Variants in KIAA1217 observed in about 807,000 individuals in gnomAD.
KIAA1217 encodes sickle tail protein homolog.
In KIAA1217, 88 loss-of-function variants were observed where a neutral mutation model predicts 163.9. That is an observed-to-expected ratio of 0.54 (90% CI 0.45 to 0.64). The LOEUF is 0.64. Among genes scored for constraint, KIAA1217 ranks in the 30% least tolerant of loss-of-function variants. The probability of loss-of-function intolerance (pLI) is 0.00; values close to 1 mark genes in which losing one functional copy is unlikely to be tolerated. For missense variants in KIAA1217, 2,372 were observed against 2,475.0 expected, an observed-to-expected ratio of 0.96 and a Z score of 0.88; for synonymous variants, 903 against 923.1, an observed-to-expected ratio of 0.98 and a Z score of 0.39.
chr10:24,022,973 G>T (rs557292385), intron 2 of KIAA1217, among the ~76,000 whole-genome samples: 1 of 150,114 alleles, frequency 6.7e-6, no homozygotes, highest in Non-Finnish European at 1.5e-5. Context: ...AAATACTATA[G>T]CCAATGGTGA....
At chr10:24,141,626 G>A (rs2064086529) in intron 2 of KIAA1217, among the ~76,000 whole-genome samples, 1 of 152,194 alleles carries the variant, frequency 6.6e-6, no homozygotes. Context: ...ACTGAACTAT[G>A]AGAATGGCCA....
intron 1 of KIAA1217, among the ~76,000 whole-genome samples, chr10:23,718,849 G>GGGGAGAGAGAGA (rs1837710767): frequency 1.4e-5 from 2 of 144,434 alleles, no homozygotes; most frequent in Admixed American, 1.3e-4. Context: ...AGGGAGGGAG[G>GGGGAGAGAGAGA]GGGAGAGAGA....
chr10:23,908,627 A>T (rs762304164), intron 1 of KIAA1217, among the ~76,000 whole-genome samples: 1 of 152,162 alleles, frequency 6.6e-6, no homozygotes, highest in Non-Finnish European at 1.5e-5. Flanking sequence ...ACAGTCCAGC[A>T]GGACATCTCC....
At chr10:24,440,831 G>A (rs115313456) in intron 5 of KIAA1217, among the ~76,000 whole-genome samples, 225 of 152,302 alleles carry the variant, frequency 1.5e-3, no homozygotes, top group African/African-American at 5.2e-3. Flanking sequence ...AATAGAAAGC[G>A]GTTTCAAAGC....
chr10:24,408,515 C>T (rs542550792), intron 3 of KIAA1217, among the ~76,000 whole-genome samples: 2 of 152,158 alleles, frequency 1.3e-5, no homozygotes, highest in East Asian at 1.9e-4. Context: ...CAATATACTG[C>T]GTGGCCCATC....
chr10:23,984,054 G>A (rs1248109897), intron 1 of KIAA1217, among the ~76,000 whole-genome samples: 3 of 152,202 alleles, frequency 2.0e-5, no homozygotes, highest in African/African-American at 7.2e-5. Flanking sequence ...GTCCACTGCA[G>A]TTCCAAAATC....
chr10:23,816,274 CTTTTTG>C (rs934681391), intron 1 of KIAA1217, among the ~76,000 whole-genome samples: 3 of 151,992 alleles, frequency 2.0e-5, no homozygotes, highest in African/African-American at 7.2e-5. Context: ...GCTCACATTT[CTTTTTG>C]TTGTTGTTGT....
At chr10:24,523,135 G>C (rs903499017) in intron 12 of KIAA1217, among the ~76,000 whole-genome samples, 7 of 152,156 alleles carry the variant, frequency 4.6e-5, no homozygotes, top group Non-Finnish European at 1.0e-4. Context: ...CTGGGTGACA[G>C]AGCAAGACCC....
chr10:24,119,909 C>A (rs1457194703), intron 2 of KIAA1217, among the ~76,000 whole-genome samples: 1 of 152,200 alleles, frequency 6.6e-6, no homozygotes, highest in Non-Finnish European at 1.5e-5. Context: ...AAAGCCATCA[C>A]CTGTACCAAG....
chr10:23,950,701 A>G (rs1844298786), intron 1 of KIAA1217, among the ~76,000 whole-genome samples: 1 of 152,178 alleles, frequency 6.6e-6, no homozygotes, highest in Admixed American at 6.5e-5. Flanking sequence ...CAAAACTATG[A>G]AAAGGGATGG....
At chr10:24,309,378 A>G (rs1242274640) in intron 2 of KIAA1217, among the ~76,000 whole-genome samples, 1 of 150,200 alleles carries the variant, frequency 6.7e-6, no homozygotes, top group Non-Finnish European at 1.5e-5. Flanking sequence ...ACACACACAC[A>G]CGGGCTTCCA....
intron 1 of KIAA1217, among the ~76,000 whole-genome samples, chr10:23,731,647 G>C (rs1838485415): frequency 6.6e-6 from 1 of 152,128 alleles, no homozygotes; most frequent in South Asian, 2.1e-4. Flanking sequence ...CATCATTTTT[G>C]AGAACTCAGT....
chr10:24,294,588 T>A (rs2132540831), intron 2 of KIAA1217, among the ~76,000 whole-genome samples: 1 of 152,340 alleles, frequency 6.6e-6, no homozygotes, highest in East Asian at 1.9e-4. Flanking sequence ...AACACCAGCG[T>A]AGTCAGTGGA....
chr10:24,348,040 G>A (rs942115375), intron 2 of KIAA1217, among the ~76,000 whole-genome samples: 3 of 152,094 alleles, frequency 2.0e-5, no homozygotes, highest in Non-Finnish European at 2.9e-5. Flanking sequence ...GATAATTATT[G>A]ATCATATGAA....
chr10:24,346,382 G>A (rs1430661993), intron 2 of KIAA1217, among the ~76,000 whole-genome samples: 1 of 151,874 alleles, frequency 6.6e-6, no homozygotes, highest in African/African-American at 2.4e-5. Context: ...TGAGGCAGGA[G>A]AATGGCATGA....
intron 2 of KIAA1217, among the ~76,000 whole-genome samples, chr10:24,133,004 T>G (rs1372923050): frequency 6.6e-6 from 1 of 152,014 alleles, no homozygotes; most frequent in Non-Finnish European, 1.5e-5. Context: ...TTGTTGCTGG[T>G]TGAAATCAGC....
chr10:23,893,245 T>A (rs985866247), intron 1 of KIAA1217, among the ~76,000 whole-genome samples: 5 of 152,088 alleles, frequency 3.3e-5, no homozygotes, highest in Non-Finnish European at 7.4e-5. Context: ...GAGGAATTTA[T>A]CCATTTCTTC....
intron 5 of KIAA1217, among the ~76,000 whole-genome samples, chr10:24,459,071 A>AG (rs2062088289): frequency 6.6e-6 from 1 of 152,062 alleles, no homozygotes; most frequent in Non-Finnish European, 1.5e-5. Context: ...CTGATTTACT[A>AG]AACTCTCCAG....
chr10:24,464,154 G>A (rs943196732), intron 5 of KIAA1217, among the ~76,000 whole-genome samples: 2 of 152,128 alleles, frequency 1.3e-5, no homozygotes, highest in East Asian at 1.9e-4. Context: ...TGGGGCCTTT[G>A]GAGATTGAAC....
Sources: gnomAD v4.1 joint callset for allele counts (sites outside exome capture counted in the v4.1 genomes callset) on GRCh38, gnomAD v4.1.1 for gene constraint, MANE v1.5 for transcripts, NCBI Gene and HGNC (gene_info 2026-07-23, HGNC 2026-07-21) for gene names.